The following SPOCK3 variants were observed in gnomAD, a reference collection of about 807,000 sequenced individuals.
SPOCK3 encodes SPARC (osteonectin), cwcv and kazal like domains proteoglycan 3.
A neutral mutation model predicts 56.6 loss-of-function variants in SPOCK3; 30 were observed. The ratio of observed to expected loss-of-function variants is 0.53; its 90% CI spans 0.40 to 0.72. The LOEUF is 0.72. Ranked by LOEUF, SPOCK3 falls within the 30% of genes least tolerant of loss-of-function variation. The probability of loss-of-function intolerance (pLI) is 0.00; values close to 1 mark genes in which losing one functional copy is unlikely to be tolerated. For synonymous variants in SPOCK3, 196 were observed against 183.3 expected, an observed-to-expected ratio of 1.07 and a Z score of -0.56; for missense variants, 527 against 530.0, an observed-to-expected ratio of 0.99 and a Z score of 0.06.
At chr4:167,146,161 C>T (rs936117176) in intron 2 of SPOCK3, among the ~76,000 whole-genome samples, 5 of 151,982 alleles carry the variant, frequency 3.3e-5, no homozygotes, top group Non-Finnish European at 7.4e-5. Context: ...GGTTGCAACC[C>T]TAGTCTCTGA....
intron 3 of SPOCK3, among the ~76,000 whole-genome samples, chr4:167,037,462 A>C (rs1342971983): frequency 1.3e-5 from 2 of 150,550 alleles, no homozygotes; most frequent in Non-Finnish European, 3.0e-5. Context: ...GGCCTGGGCG[A>C]CAGAGCCAGA....
intron 6 of SPOCK3, among the ~76,000 whole-genome samples, chr4:166,871,928 T>A (rs1171554030): frequency 6.6e-6 from 1 of 150,518 alleles, no homozygotes; most frequent in Non-Finnish European, 1.5e-5. Context: ...GAAAAAAAAA[T>A]TGAGCATACC....
intron 4 of SPOCK3, among the ~76,000 whole-genome samples, chr4:166,931,199 C>T (rs12509181): frequency 0.25 from 37,765 of 151,998 alleles, 4,964 homozygotes; most frequent in East Asian, 0.39. Flanking sequence ...CCAGGCTGGT[C>T]TCAAACTCTT....
At chr4:167,036,564 C>T (rs561331995) in intron 3 of SPOCK3, among the ~76,000 whole-genome samples, 1 of 152,302 alleles carries the variant, frequency 6.6e-6, no homozygotes, top group East Asian at 1.9e-4. Flanking sequence ...TAAAAGACTT[C>T]TGATAGAGTA....
In SPOCK3 at chr4:167,072,897, A is replaced by G. The variant is rs886902300; in HGVS notation, c.190-10360T>C. On this transcript the variant is annotated intron_variant, in intron 2 of 10. Transcript: ENST00000357545. ...ATCCTCAATTTAAAATGAAAATCAAAGGCTAAATTAAGGTCAAGTGCCTCT... is the reference window on the plus strand; with the variant it reads ...ATCCTCAATTTAAAATGAAAATCAAGGGCTAAATTAAGGTCAAGTGCCTCT... 4.6e-5 allele frequency among the ~76,000 whole-genome samples: 7 copies of G among 152,026 alleles called. No individual in the cohort carries two copies. The South Asian group carries it at 6.2e-4, about 14-fold the overall frequency.
intron 5 of SPOCK3, among the ~76,000 whole-genome samples, chr4:166,908,757 G>A (rs148721870): frequency 2.3e-3 from 353 of 152,042 alleles, no homozygotes; most frequent in Middle Eastern, 0.01. Context: ...CAAATGTAAC[G>A]TACACTTTAC....
chr4:166,889,341 T>C (rs1016607926), intron 5 of SPOCK3, 97 bp from the exon 6 acceptor site: 25 of 729,266 alleles, frequency 3.4e-5, no homozygotes, highest in Non-Finnish European at 5.8e-5. Flanking sequence ...TTGATGCATA[T>C]AATTTGGAGA....
chr4:166,840,053 A>G (rs1747072341), intron 6 of SPOCK3, among the ~76,000 whole-genome samples: 1 of 152,240 alleles, frequency 6.6e-6, no homozygotes, highest in South Asian at 2.1e-4. Context: ...CCAGAGCTTC[A>G]GCTCCATTGA....
chr4:167,057,527 G>A (rs554156569), intron 3 of SPOCK3, among the ~76,000 whole-genome samples: 6 of 151,986 alleles, frequency 3.9e-5, no homozygotes, highest in African/African-American at 1.4e-4. Flanking sequence ...TCAGTGTGCT[G>A]TATTCAGGAA....
At chr4:167,072,553 A>G (rs2150269809) in intron 2 of SPOCK3, among the ~76,000 whole-genome samples, 1 of 152,088 alleles carries the variant, frequency 6.6e-6, no homozygotes, top group Admixed American at 6.6e-5. Context: ...GAAACAATAA[A>G]TCTTTTGTTG....
intron 4 of SPOCK3, among the ~76,000 whole-genome samples, chr4:166,978,654 C>T (rs1346993676): frequency 1.3e-5 from 2 of 151,862 alleles, no homozygotes; most frequent in East Asian, 3.9e-4. Context: ...ATAAGGCATG[C>T]AATGTAACTC....
At chr4:166,827,856 A>G (rs1238878678) in intron 6 of SPOCK3, among the ~76,000 whole-genome samples, 1 of 150,844 alleles carries the variant, frequency 6.6e-6, no homozygotes, top group Non-Finnish European at 1.5e-5. Flanking sequence ...AAAAAACTGT[A>G]TGACTGAATG....
chr4:166,799,064 C>A (rs1020341060), intron 6 of SPOCK3, among the ~76,000 whole-genome samples: 2 of 152,138 alleles, frequency 1.3e-5, no homozygotes, highest in African/African-American at 4.8e-5. Flanking sequence ...GGCAATGTTG[C>A]AGGCTACAAA....
At chr4:167,114,400 C>A (rs1353008962) in intron 2 of SPOCK3, among the ~76,000 whole-genome samples, 1 of 152,080 alleles carries the variant, frequency 6.6e-6, no homozygotes, top group Non-Finnish European at 1.5e-5. Context: ...AGAGTTTCTT[C>A]CCATTTCTTA....
chr4:167,048,034 T>C (rs1753877791), intron 3 of SPOCK3, among the ~76,000 whole-genome samples: 1 of 152,088 alleles, frequency 6.6e-6, no homozygotes, highest in East Asian at 1.9e-4. Flanking sequence ...AGATACTTTG[T>C]ATCGAAAAGA....
intron 3 of SPOCK3, among the ~76,000 whole-genome samples, chr4:167,001,634 G>T (rs552994522): frequency 6.6e-6 from 1 of 152,038 alleles, no homozygotes; most frequent in African/African-American, 2.4e-5. Context: ...GTAATTTATT[G>T]TTGGGGGCAG....
At chr4:167,150,940 T>C (rs1484234514) in intron 2 of SPOCK3, among the ~76,000 whole-genome samples, 1 of 152,166 alleles carries the variant, frequency 6.6e-6, no homozygotes, top group Non-Finnish European at 1.5e-5. Flanking sequence ...TTTAAAAATA[T>C]TTATGATCAG....
chr4:166,890,126 C>CA (rs980929540), intron 5 of SPOCK3, among the ~76,000 whole-genome samples: 16 of 151,906 alleles, frequency 1.1e-4, no homozygotes, highest in Non-Finnish European at 1.6e-4. Context: ...ACTTGTTTTA[C>CA]AAAAAACAGT....
intron 6 of SPOCK3, among the ~76,000 whole-genome samples, chr4:166,837,796 T>C (rs911448260): frequency 6.6e-6 from 1 of 152,182 alleles, no homozygotes; most frequent in African/African-American, 2.4e-5. Context: ...CAATATTGTT[T>C]CCTTTAGCAT....
Sources: allele counts gnomAD v4.1 joint callset (sites outside exome capture counted in the v4.1 genomes callset), GRCh38; gene constraint gnomAD v4.1.1; transcripts MANE v1.5; gene names NCBI Gene and HGNC (gene_info 2026-07-23, HGNC 2026-07-21).